The following ARL9 variants were observed in gnomAD, a reference collection of about 807,000 sequenced individuals.
ARL9 encodes the protein ARF like GTPase 9.
ARL9 carries 14 observed loss-of-function variants against 27.0 expected under a neutral mutation model. That is an observed-to-expected ratio of 0.52 (90% CI 0.34 to 0.81). ARL9 has a LOEUF of 0.81. ARL9 is among the 30% of genes least tolerant of loss of function. The pLI is 0.01. For synonymous variants in ARL9, 106 were observed against 108.7 expected (o/e 0.98, Z 0.15); for missense variants, 294 against 290.0 (o/e 1.01, Z -0.10).
chr4:56,518,184 C>G (rs536103665), intron 2 of ARL9, among the ~76,000 whole-genome samples: 1 of 152,014 alleles, frequency 6.6e-6, no homozygotes, highest in Non-Finnish European at 1.5e-5. Flanking sequence ...AGGCATGCAC[C>G]ACCACACCGG....
chr4:56,505,687 CCGCGAGGTAAG>C, upstream of ARL9: 1 of 1,111,678 alleles, frequency 9.0e-7, no homozygotes. Flanking sequence ...AGCCCTGCAT[CCGCGAGGTAAG>C]CGGCGGTTGG....
chr4:56,516,995 G>A (rs1187591990), intron 2 of ARL9, among the ~76,000 whole-genome samples: 2 of 152,216 alleles, frequency 1.3e-5, no homozygotes, highest in Non-Finnish European at 2.9e-5. Context: ...GCTATTAGCT[G>A]TTGGCAGAGT....
At chr4:56,510,040 A>T (rs1361744918) in intron 1 of ARL9, among the ~76,000 whole-genome samples, 1 of 151,844 alleles carries the variant, frequency 6.6e-6, no homozygotes, top group East Asian at 1.9e-4. Flanking sequence ...TAACCTTTTC[A>T]TTTAATTGTG....
At chr4:56,517,650 T>C (rs1721801177) in intron 2 of ARL9, among the ~76,000 whole-genome samples, 7 of 152,210 alleles carry the variant, frequency 4.6e-5, no homozygotes, top group Admixed American at 3.9e-4. Flanking sequence ...TTGGTCAGAT[T>C]TGAACTGTGG....
At chr4:56,513,774 A>T (rs1260413938) in intron 2 of ARL9, among the ~76,000 whole-genome samples, 1 of 152,176 alleles carries the variant, frequency 6.6e-6, no homozygotes, top group Non-Finnish European at 1.5e-5. Context: ...GCATGACACG[A>T]GGGCCCCTGG....
Position 56,518,862 on chromosome 4 carries a change from CTG to C in ARL9, c.618+12_618+13del. 6.2e-7 allele frequency: 1 copy of C among 1,611,314 alleles called. No homozygotes were observed. The highest frequency in any genetic ancestry group is 1.1e-5 in the South Asian group (1 of 90,628). On this transcript the variant is annotated intron_variant, in intron 3 of 3. Coordinates refer to ENST00000640821, the MANE Select transcript of ARL9 (RefSeq NM_001363794.2). ...TGTTTGCAAACAAACAGGTAAAAAT[CTG>C]TGCAAATATAAATTGTACTCAAGAG...
intron 1 of ARL9, among the ~76,000 whole-genome samples, chr4:56,507,176 C>G (rs567041598): frequency 6.6e-6 from 1 of 152,244 alleles, no homozygotes; most frequent in South Asian, 2.1e-4. Context: ...AAACGGTGTT[C>G]AGAATCACAT....
chr4:56,521,217 C>T (rs201569632), intron 3 of ARL9, among the ~76,000 whole-genome samples: 1 of 94,876 alleles, frequency 1.1e-5, no homozygotes, highest in Non-Finnish European at 2.5e-5. Flanking sequence ...CCCCAAAAAA[C>T]AAAAAAAAAA....
In ARL9 at chr4:56,523,833, A is replaced by G; in HGVS notation, c.755A>G (p.Asp252Gly). Residue 252 changes from aspartate (D) to glycine (G), a missense_variant, in exon 4 of 4, where the codon GAT becomes GGT. Coordinates refer to ENST00000640821, the MANE Select transcript of ARL9 (RefSeq NM_001363794.2). ...TCAGAGATACCCTCCACCATGCAAG[A>G]TGCCAAAGACTTGATTGCACAGCTG... is the stretch of plus-strand genomic sequence containing the variant. ...NGSEIPSTMQ[D>G]AKDLIAQLAA... is the part of the protein sequence containing the mutation. The G allele has an allele frequency of 6.2e-7, 1 of 1,614,012 alleles. No homozygotes were observed. Among genetic ancestry groups the G allele is most frequent in the East Asian group, 2.2e-5 (1 of 44,878 alleles).
chr4:56,510,174 A>G (rs1721594708), intron 1 of ARL9, among the ~76,000 whole-genome samples: 1 of 151,736 alleles, frequency 6.6e-6, no homozygotes, highest in Non-Finnish European at 1.5e-5. Context: ...CCTGACCAAC[A>G]TGGTGAAACC....
chr4:56,505,855 C>A lies in ARL9; in HGVS notation c.-8C>A. ...GCGGCGGGAGGGAAGGAAACCGCGG[C>A]GCTGGGGATGGAGAGGGGGAAAGTG... On this transcript the variant is annotated 5_prime_UTR_variant, in exon 1 of 4. Coordinates refer to ENST00000640821, the MANE Select transcript of ARL9 (RefSeq NM_001363794.2). 3 of 1,263,626 alleles carry A rather than the reference C, an allele frequency of 2.4e-6. No homozygotes were observed. Among genetic ancestry groups the A allele is most frequent in the Non-Finnish European group, 3.0e-6 (3 of 1,006,406 alleles). 78.3% of individuals were successfully genotyped at this position (1,263,626 alleles called of 1,614,324 possible).
At chr4:56,513,773 G>A (rs1373466274) in intron 2 of ARL9, among the ~76,000 whole-genome samples, 1 of 152,116 alleles carries the variant, frequency 6.6e-6, no homozygotes, top group Admixed American at 6.5e-5. Flanking sequence ...TGCATGACAC[G>A]AGGGCCCCTG....
chr4:56,515,258 CAA>C (rs199790664), intron 2 of ARL9, among the ~76,000 whole-genome samples: 49 of 92,414 alleles, frequency 5.3e-4, no homozygotes, highest in Middle Eastern at 7.7e-3. Flanking sequence ...AACTCCATCT[CAA>C]AAAAAAAAAA....
chr4:56,523,553 G>T, intron 3 of ARL9, 144 bp from the exon 4 acceptor site: 2 of 609,780 alleles, frequency 3.3e-6, no homozygotes, highest in Non-Finnish European at 5.6e-6. Flanking sequence ...ACAACCTCTG[G>T]GCTCATAATA....
chr4:56,507,375 C>T (rs1034322885), intron 1 of ARL9, among the ~76,000 whole-genome samples: 1 of 151,328 alleles, frequency 6.6e-6, no homozygotes, highest in Admixed American at 6.6e-5. Context: ...AGTACAGTGG[C>T]GTGATCTCGG....
intron 3 of ARL9, among the ~76,000 whole-genome samples, chr4:56,521,993 C>CTTT (rs111319999): frequency 2.1e-5 from 3 of 143,660 alleles, no homozygotes; most frequent in African/African-American, 7.6e-5. Flanking sequence ...CTTTTCTTTT[C>CTTT]TTTTTTTTTT....
intron 3 of ARL9, among the ~76,000 whole-genome samples, chr4:56,521,488 T>A (rs1560700118): frequency 6.6e-6 from 1 of 152,224 alleles, no homozygotes; most frequent in East Asian, 1.9e-4. Flanking sequence ...CTGGTGGATA[T>A]ACCTAAAATA....
intron 2 of ARL9, among the ~76,000 whole-genome samples, chr4:56,517,566 C>G (rs1721798753): frequency 6.6e-6 from 1 of 150,462 alleles, no homozygotes; most frequent in African/African-American, 2.4e-5. Flanking sequence ...AAATGTTATT[C>G]TGTCTTTTTT....
chr4:56,507,145 T>C (rs1214076558), intron 1 of ARL9, among the ~76,000 whole-genome samples: 1 of 151,980 alleles, frequency 6.6e-6, no homozygotes, highest in Admixed American at 6.6e-5. Flanking sequence ...CATATTTGGC[T>C]AAAGGAATAA....
Sources: gnomAD v4.1 joint callset for allele counts (sites outside exome capture counted in the v4.1 genomes callset) on GRCh38, gnomAD v4.1.1 for gene constraint, MANE v1.5 for transcripts, NCBI Gene and HGNC (gene_info 2026-07-23, HGNC 2026-07-21) for gene names.